The following SPG21 variants were observed in gnomAD, a reference collection of about 807,000 sequenced individuals.
SPG21 encodes the protein maspardin.
SPG21 carries 26 observed loss-of-function variants against 38.9 expected under a neutral mutation model. The observed-to-expected ratio is 0.67, with a 90% CI of 0.49 to 0.93. SPG21 has a LOEUF of 0.93. SPG21 is among the 40% of genes least tolerant of loss of function. The pLI is 0.00. For synonymous variants in SPG21, 136 were observed against 128.9 expected (o/e 1.05, Z -0.37); for missense variants, 333 against 376.5 (o/e 0.88, Z 0.96).
intron 4 of SPG21, among the ~76,000 whole-genome samples, chr15:64,975,302 AAAG>A (rs2085753711): frequency 3.3e-5 from 5 of 150,554 alleles, no homozygotes; most frequent in Admixed American, 3.3e-4. Context: ...AAAAAAAAAA[AAAG>A]AAAAGAAAAA....
At chr15:64,981,147 G>A in intron 2 of SPG21, 122 bp from the exon 3 acceptor site, 2 of 1,178,618 alleles carry the variant, frequency 1.7e-6, no homozygotes, top group Admixed American at 2.1e-5. Context: ...AGGTAACCTG[G>A]AGCTCACACC....
intron 7 of SPG21, among the ~76,000 whole-genome samples, chr15:64,968,454 T>C (rs1452762438): frequency 6.6e-6 from 1 of 152,168 alleles, no homozygotes; most frequent in Non-Finnish European, 1.5e-5. Context: ...GGATAAATGT[T>C]GTATGATTCT....
intron 1 of SPG21, among the ~76,000 whole-genome samples, chr15:64,986,394 T>C (rs1450672676): frequency 7.1e-6 from 1 of 141,032 alleles, no homozygotes; most frequent in Non-Finnish European, 1.5e-5. Flanking sequence ...ATTAATATGT[T>C]AAAAAATTTT....
At chr15:64,976,959 G>A (rs532910307) in intron 3 of SPG21, among the ~76,000 whole-genome samples, 1 of 152,292 alleles carries the variant, frequency 6.6e-6, no homozygotes, top group Non-Finnish European at 1.5e-5. Context: ...TTTGTTCTAA[G>A]GAGAGCTTCC....
At chr15:64,968,264 C>T (rs1039244314) in intron 7 of SPG21, among the ~76,000 whole-genome samples, 5 of 141,370 alleles carry the variant, frequency 3.5e-5, no homozygotes, top group Middle Eastern at 3.7e-3. Flanking sequence ...TGTTTGGGCC[C>T]GGGAGGCAGA....
rs1241667322 is a variant in SPG21, at chr15:64,974,672, C to T, written c.382G>A (p.Val128Ile). ...GAATTGCAGAGGATTAGGGAATGGACTCTAGGAGATTTGTGAGTGTATTCA... is the reference window on the plus strand; with the variant it reads ...GAATTGCAGAGGATTAGGGAATGGATTCTAGGAGATTTGTGAGTGTATTCA... ...FAEYTHKSPR[V>I]HSLILCNSFS... is the part of the protein sequence containing the mutation. The change falls in exon 5 of 9, where the codon GTC (valine) becomes ATC (isoleucine). Residue 128 changes from valine to isoleucine, a missense_variant. Transcript: ENST00000204566. 6.2e-7 allele frequency: 1 copy of T among 1,614,026 alleles called. No homozygotes were observed. The highest frequency in any genetic ancestry group is 8.5e-7 in the Non-Finnish European group (1 of 1,180,038).
chr15:64,963,703 CG>C lies in SPG21; in HGVS notation c.843del (p.Tyr281Ter). 1 of 1,614,116 alleles carries C rather than the reference CG, an allele frequency of 6.2e-7. No individual in the cohort carries two copies. The highest frequency in any genetic ancestry group is 1.1e-5 in the South Asian group (1 of 91,072). ...CTGACCATTGATGGGTCAATGGCCG[CG>C]TATTTGGTTCCATGGAATTGCAGCA... The part of the protein sequence containing the change: ...IHLLQFHGTK[Y>X]AAIDPSMVSA... On this transcript the variant is annotated frameshift_variant, in exon 9 of 9. Coordinates refer to ENST00000204566, the MANE Select transcript of SPG21 (RefSeq NM_016630.7). LOFTEE classifies it high-confidence loss of function.
In SPG21 at chr15:64,983,207, G is replaced by A. The variant is rs55747544; in HGVS notation, c.63+300C>T. 0.036 allele frequency: 8,409 copies of A among 234,410 alleles called. 339 individuals carry two copies. Among genetic ancestry groups the A allele is most frequent in the South Asian group, 0.13 (3,006 of 22,988 alleles). 14.5% of individuals were successfully genotyped at this position (234,410 alleles called of 1,614,324 possible). Reference sequence around the variant, plus strand: ...TGGGAAGCAGAGGTTGCAGTGAGCCGAGATCATGCAGTGCACTGCACTCCA... The same window carrying A: ...TGGGAAGCAGAGGTTGCAGTGAGCCAAGATCATGCAGTGCACTGCACTCCA... On this transcript the variant is annotated intron_variant, in intron 2 of 8. Coordinates refer to ENST00000204566, the MANE Select transcript of SPG21 (RefSeq NM_016630.7).
chr15:64,971,266 A>G (rs1473908208), intron 5 of SPG21, among the ~76,000 whole-genome samples: 1 of 151,754 alleles, frequency 6.6e-6, no homozygotes, highest in African/African-American at 2.4e-5. Flanking sequence ...GGGGCCAGGC[A>G]CGGTGGCTCA....
At chr15:64,977,470 C>T (rs947530810) in intron 3 of SPG21, among the ~76,000 whole-genome samples, 12 of 152,116 alleles carry the variant, frequency 7.9e-5, no homozygotes. Context: ...AGCGATTCTC[C>T]CACCTCAGCC....
chr15:64,982,524 C>A (rs2085904416), intron 2 of SPG21, among the ~76,000 whole-genome samples: 1 of 152,118 alleles, frequency 6.6e-6, no homozygotes, highest in Admixed American at 6.6e-5. Context: ...TCAAATGATC[C>A]TCCTAGGTCT....
intron 8 of SPG21, among the ~76,000 whole-genome samples, chr15:64,965,053 C>T (rs569840574): frequency 4.6e-4 from 70 of 152,284 alleles, no homozygotes; most frequent in South Asian, 6.2e-4. Flanking sequence ...AAGGTCACAT[C>T]ATACCAATAG....
rs34703670 is a variant in SPG21, at chr15:64,981,289, C to CTT, written c.64-266_64-265dup. 10,068 of 279,224 alleles carry CTT rather than the reference C, an allele frequency of 0.036. 119 individuals are homozygous for CTT. The highest frequency in any genetic ancestry group is 0.045 in the Non-Finnish European group (6,714 of 149,028). 17.3% of individuals were successfully genotyped at this position (279,224 alleles called of 1,614,324 possible). On this transcript the variant is annotated intron_variant, in intron 2 of 8. Coordinates refer to ENST00000204566, the MANE Select transcript of SPG21 (RefSeq NM_016630.7). ...GCTTCTCTGTTTCTTCCCCCTCCTC[C>CTT]TTTTTTTTTTTTTTTTTTGAGACAG...
At chr15:64,964,573 G>A (rs1032084740) in intron 8 of SPG21, among the ~76,000 whole-genome samples, 7 of 152,138 alleles carry the variant, frequency 4.6e-5, no homozygotes, top group Admixed American at 1.3e-4. Flanking sequence ...ACCCCTCACT[G>A]CTATTCTATT....
intron 5 of SPG21, among the ~76,000 whole-genome samples, chr15:64,971,310 T>C (rs1332956637): frequency 4.9e-4 from 74 of 151,656 alleles, no homozygotes; most frequent in African/African-American, 1.7e-3. Flanking sequence ...GAGGCCAAGG[T>C]GGGCAGATCA....
chr15:64,969,687 G>T lies in SPG21; in HGVS notation c.562-325C>A, dbSNP rs59721645. On this transcript the variant is annotated intron_variant, in intron 6 of 8. Transcript: ENST00000204566. ...TCAAAGGTGACAGATATATGTTTTT[G>T]TTTTTTTTTTTTTTTTAAGATAAAC... Among the ~76,000 whole-genome samples the T allele has an allele frequency of 0.031, 3,867 of 126,512 alleles. 151 individuals are homozygous for T. The highest frequency in any genetic ancestry group is 0.082 in the African/African-American group (3,137 of 38,120). 83.0% of individuals were successfully genotyped at this position (126,512 alleles called of 152,430 possible).
In SPG21 at chr15:64,965,777, C is replaced by A. The variant is rs2085529658; in HGVS notation, c.670-317G>T. 2.7e-5 allele frequency among the ~76,000 whole-genome samples: 4 copies of A among 149,626 alleles called. 1 individual carries two copies. The South Asian group carries it at 8.5e-4, about 32-fold the overall frequency. On this transcript the variant is annotated intron_variant, in intron 7 of 8. Transcript: ENST00000204566. ...AGTGCAGTGGTGTGATCTCGGCTCACTGCAATCTCCACCTCCTGGGCTCAA... is the reference window on the plus strand; with the variant it reads ...AGTGCAGTGGTGTGATCTCGGCTCAATGCAATCTCCACCTCCTGGGCTCAA...
chr15:64,975,170 C>T (rs1405490695), intron 4 of SPG21, among the ~76,000 whole-genome samples: 1 of 151,814 alleles, frequency 6.6e-6, no homozygotes, highest in Non-Finnish European at 1.5e-5. Context: ...TGCCTGTAGT[C>T]CCAGCTACTC....
At chr15:64,981,072 C>T (rs757757624) in intron 2 of SPG21, 47 bp from the exon 3 acceptor site, 1 of 1,611,190 alleles carries the variant, frequency 6.2e-7, no homozygotes, top group South Asian at 1.1e-5. Context: ...TATAAATTTG[C>T]TTTTTATGTT....
Sources: gnomAD v4.1 joint callset for allele counts (sites outside exome capture counted in the v4.1 genomes callset) on GRCh38, gnomAD v4.1.1 for gene constraint, MANE v1.5 for transcripts, NCBI Gene and HGNC (gene_info 2026-07-23, HGNC 2026-07-21) for gene names.